The following ATXN1 variants were observed in gnomAD, a reference collection of about 807,000 sequenced individuals.
ATXN1 encodes the protein ataxin-1.
A neutral mutation model predicts 56.4 loss-of-function variants in ATXN1; 8 were observed. The ratio of observed to expected loss-of-function variants is 0.14; its 90% CI spans 0.08 to 0.26. The LOEUF is 0.26. ATXN1 is among the 10% of genes least tolerant of loss of function. The probability of loss-of-function intolerance (pLI) is 1.00; values close to 1 mark genes in which losing one functional copy is unlikely to be tolerated. For synonymous variants in ATXN1, 514 were observed against 494.6 expected (o/e 1.04, Z -0.52); for missense variants, 987 against 1,106.5 (o/e 0.89, Z 1.53).
chr6:16,676,607 T>A (rs1219933300), intron 2 of ATXN1, among the ~76,000 whole-genome samples: 2 of 152,208 alleles, frequency 1.3e-5, no homozygotes, highest in Non-Finnish European at 2.9e-5. Context: ...TGGCAGAGTA[T>A]GCCACGATTA....
chr6:16,757,511 C>T (rs184425792), intron 1 of ATXN1, among the ~76,000 whole-genome samples: 2 of 152,210 alleles, frequency 1.3e-5, no homozygotes, highest in African/African-American at 4.8e-5. Flanking sequence ...ATTTTAACTA[C>T]AGCAGTGCTT....
intron 4 of ATXN1, among the ~76,000 whole-genome samples, chr6:16,531,024 T>C (rs1761493542): frequency 2.0e-5 from 3 of 152,228 alleles, no homozygotes; most frequent in Admixed American, 1.3e-4. Flanking sequence ...ACTGTATACA[T>C]GGTCAAGGTA....
At chr6:16,409,705 T>A (rs1758759036) in intron 6 of ATXN1, among the ~76,000 whole-genome samples, 1 of 150,932 alleles carries the variant, frequency 6.6e-6, no homozygotes, top group Non-Finnish European at 1.5e-5. Context: ...TTTCAAAAGC[T>A]GGCTTTTGTA....
At chr6:16,736,705 T>C (rs1469065220) in intron 2 of ATXN1, 1 of 152,238 alleles carries the variant, frequency 6.6e-6, no homozygotes, top group Non-Finnish European at 1.5e-5. Context: ...ATTCCAGGTA[T>C]AAATCCCCTT....
rs1000545963 is a variant in ATXN1, at chr6:16,760,077, C to G, written c.-730+1221G>C. ...CTCACCTCTCGCTCCGCCCGTCCGG[C>G]CCCCTTCCCTGCCCCCTGCGGGACC... On this transcript the variant is annotated intron_variant, in intron 1 of 7. Transcript: ENST00000436367. This position sits in a 1 kb window ranked among gnomAD's most constrained non-coding sequence, Gnocchi z 5.3. 6.6e-6 allele frequency among the ~76,000 whole-genome samples: 1 copy of G among 152,156 alleles called. No individual in the cohort carries two copies. The highest frequency in any genetic ancestry group is 1.5e-5 in the Non-Finnish European group (1 of 68,016).
At chr6:16,657,365 G>A (rs1192288282) in intron 3 of ATXN1, among the ~76,000 whole-genome samples, 1 of 152,140 alleles carries the variant, frequency 6.6e-6, no homozygotes, top group Non-Finnish European at 1.5e-5. Context: ...GCACATGACT[G>A]TATTTGATCA....
chr6:16,542,042 T>A (rs1174528018), intron 4 of ATXN1, among the ~76,000 whole-genome samples: 2 of 151,926 alleles, frequency 1.3e-5, no homozygotes. Context: ...CTTAAGGCCT[T>A]CTGGGGGAAA....
At chr6:16,662,642 G>C (rs1468751258) in intron 2 of ATXN1, among the ~76,000 whole-genome samples, 1 of 152,070 alleles carries the variant, frequency 6.6e-6, no homozygotes, top group East Asian at 1.9e-4. Flanking sequence ...CCATTCATCA[G>C]GCTTCTTAAC....
chr6:16,621,635 G>A (rs372927760), intron 3 of ATXN1, among the ~76,000 whole-genome samples: 12 of 152,220 alleles, frequency 7.9e-5, no homozygotes, highest in South Asian at 2.1e-4. Context: ...GCTTGAACCC[G>A]GGAGGCAATG....
At chr6:16,330,302 A>G (rs1242692405) in intron 6 of ATXN1, among the ~76,000 whole-genome samples, 1 of 151,408 alleles carries the variant, frequency 6.6e-6, no homozygotes, top group Non-Finnish European at 1.5e-5. Context: ...TGAAATCCCT[A>G]CTGAAACATA....
intron 3 of ATXN1, among the ~76,000 whole-genome samples, chr6:16,620,510 G>C (rs924937301): frequency 6.6e-6 from 1 of 152,080 alleles, no homozygotes; most frequent in Non-Finnish European, 1.5e-5. Context: ...CAGACAGAGA[G>C]AGAGAGATGA....
At chr6:16,469,216 C>T (rs1036811123) in intron 6 of ATXN1, among the ~76,000 whole-genome samples, 1 of 152,202 alleles carries the variant, frequency 6.6e-6, no homozygotes, top group African/African-American at 2.4e-5. Context: ...GAAAAACCAA[C>T]AGCAATTATA....
intron 2 of ATXN1, among the ~76,000 whole-genome samples, chr6:16,658,103 GAAGA>G (rs1386195456): frequency 6.6e-6 from 1 of 151,850 alleles, no homozygotes; most frequent in Non-Finnish European, 1.5e-5. Flanking sequence ...GTGTGGGAAG[GAAGA>G]AAGAAAGAAA....
intron 2 of ATXN1, among the ~76,000 whole-genome samples, chr6:16,743,605 G>A (rs866643128): frequency 2.2e-4 from 33 of 152,282 alleles, no homozygotes; most frequent in African/African-American, 7.7e-4. Flanking sequence ...CCCTCCTATC[G>A]CTGGGCCAGG....
At chr6:16,693,101 C>A (rs935851913) in intron 2 of ATXN1, among the ~76,000 whole-genome samples, 1 of 152,138 alleles carries the variant, frequency 6.6e-6, no homozygotes, top group Admixed American at 6.5e-5. Flanking sequence ...AGATGAGAAT[C>A]GTAATAGTAC....
At chr6:16,527,968 G>C (rs1211555374) in intron 4 of ATXN1, among the ~76,000 whole-genome samples, 1 of 152,108 alleles carries the variant, frequency 6.6e-6, no homozygotes, top group Non-Finnish European at 1.5e-5. Flanking sequence ...TAGATGGTCA[G>C]GCTGTGTTGT....
At chr6:16,666,529 T>C (rs2113374640) in intron 2 of ATXN1, 1 of 154,678 alleles carries the variant, frequency 6.5e-6, no homozygotes, top group South Asian at 2.0e-4. Context: ...TCTTTTTTTT[T>C]GGAGTCTAGC....
At chr6:16,644,245 C>T (rs1763760443) in intron 3 of ATXN1, among the ~76,000 whole-genome samples, 1 of 152,142 alleles carries the variant, frequency 6.6e-6, no homozygotes, top group Non-Finnish European at 1.5e-5. Flanking sequence ...TAAACTGGGC[C>T]AGGTGTGGTG....
chr6:16,562,035 G>T (rs1373210010), intron 4 of ATXN1, among the ~76,000 whole-genome samples: 1 of 152,172 alleles, frequency 6.6e-6, no homozygotes, highest in East Asian at 1.9e-4. Context: ...GAAATGATCA[G>T]AGCAGTAGAG....
Sources: gnomAD v4.1 joint callset for allele counts (sites outside exome capture counted in the v4.1 genomes callset) on GRCh38, gnomAD v4.1.1 for gene constraint, Gnocchi (gnomAD v3.1) non-coding constraint, MANE v1.5 for transcripts, NCBI Gene and HGNC (gene_info 2026-07-23, HGNC 2026-07-21) for gene names.